C16orf89: variants seen among roughly 807,000 people sequenced by gnomAD.
The protein encoded by C16orf89 is UPF0764 protein C16orf89.
C16orf89 carries 57 observed loss-of-function variants against 41.5 expected under a neutral mutation model. The ratio of observed to expected loss-of-function variants is 1.38; its 90% confidence interval spans 1.11 to 1.71. C16orf89 has a LOEUF of 1.71. Among genes scored for constraint, C16orf89 ranks in the 40% most tolerant of loss-of-function variants. The pLI is 0.00. For synonymous variants in C16orf89, 223 were observed against 190.6 expected, an observed-to-expected ratio of 1.17 and a Z score of -1.40; for missense variants, 575 against 445.9, an observed-to-expected ratio of 1.29 and a Z score of -2.61.
chr16:5,060,225 A>G, intron 3 of C16orf89, 61 bp downstream of exon 3: 2 of 1,529,618 alleles, frequency 1.3e-6, no homozygotes, highest in Non-Finnish European at 1.8e-6. Context: ...GGAGCGGGAC[A>G]GGACCAGCTG....
At chr16:5,058,885 C>T (rs1255561803) in intron 3 of C16orf89, among the ~76,000 whole-genome samples, 1 of 152,054 alleles carries the variant, frequency 6.6e-6, no homozygotes, top group Admixed American at 6.6e-5. Context: ...ACATCTTTTC[C>T]AGCCCCGAAC....
chr16:5,061,961 A>G (rs1418671808), intron 2 of C16orf89, among the ~76,000 whole-genome samples: 1 of 152,204 alleles, frequency 6.6e-6, no homozygotes, highest in Non-Finnish European at 1.5e-5. Context: ...AGGCATGAGA[A>G]AGATAAACCC....
At chr16:5,044,866 A>G (rs1795977307) in intron 7 of C16orf89, 1 of 1,255,434 alleles carries the variant, frequency 8.0e-7, no homozygotes, top group Admixed American at 3.0e-5. Context: ...AGTGCTTTTC[A>G]GATGTCATTC....
At chr16:5,065,610 C>G in intron 1 of C16orf89, 91 bp downstream of exon 1, 1 of 1,395,828 alleles carries the variant, frequency 7.2e-7, no homozygotes, top group East Asian at 2.4e-5. Context: ...GGCCAGGAGT[C>G]TGCCAGGTCC....
downstream of C16orf89, chr16:5,043,136 T>G (rs1956236336): frequency 6.6e-6 from 1 of 152,332 alleles, no homozygotes; most frequent in African/African-American, 2.4e-5. Context: ...CATACCTCAC[T>G]GCAGCCTTGA....
At chr16:5,063,718 C>T (rs1034023517) in intron 1 of C16orf89, among the ~76,000 whole-genome samples, 1 of 152,160 alleles carries the variant, frequency 6.6e-6, no homozygotes, top group Non-Finnish European at 1.5e-5. Flanking sequence ...GATCTGAGAC[C>T]GTCTCCTATC....
chr16:5,055,447 C>G, intron 5 of C16orf89, 97 bp from the exon 6 acceptor site: 10 of 1,186,684 alleles, frequency 8.4e-6, no homozygotes, highest in Non-Finnish European at 1.1e-5. Context: ...CTTCATCTGC[C>G]TGGGTTAGGC....
intron 1 of C16orf89, among the ~76,000 whole-genome samples, chr16:5,064,494 G>A (rs1388897233): frequency 6.6e-6 from 1 of 152,234 alleles, no homozygotes; most frequent in Non-Finnish European, 1.5e-5. Flanking sequence ...TCCACCAGCT[G>A]CAGCTGAAGG....
At chr16:5,046,086 C>T (rs1956290801) in intron 7 of C16orf89, among the ~76,000 whole-genome samples, 2 of 152,156 alleles carry the variant, frequency 1.3e-5, no homozygotes, top group African/African-American at 4.8e-5. Flanking sequence ...AGGGTAGGAC[C>T]TCTGGAAGTC....
intron 7 of C16orf89, among the ~76,000 whole-genome samples, chr16:5,046,028 C>A (rs1349918071): frequency 6.6e-6 from 1 of 152,190 alleles, no homozygotes; most frequent in Non-Finnish European, 1.5e-5. Flanking sequence ...GCCCCTACCA[C>A]CCTAGCCATA....
At chr16:5,053,384 T>G (rs1423053085) in intron 6 of C16orf89, among the ~76,000 whole-genome samples, 2 of 146,656 alleles carry the variant, frequency 1.4e-5, no homozygotes, top group African/African-American at 2.5e-5. Context: ...AAAAAAGAAG[T>G]GGAGTGTTGA....
rs533835444 is a variant in C16orf89 at position 5,064,728 on chromosome 16, T to TGGATGTG, written c.208+966_208+972dup. Among the ~76,000 whole-genome samples, 34 of 152,174 alleles carry TGGATGTG rather than the reference T, an allele frequency of 2.2e-4. No individual in the cohort carries two copies. The East Asian group carries it at 6.0e-3, about 27-fold the overall frequency. On this transcript the variant is annotated intron_variant, in intron 1 of 7. Transcript: ENST00000472572. ...AGATTATTGAGAGGAGAAGGGGCAG[T>TGGATGTG]GGATGTGGGATGTGGCGTGGGTGGA...
At chr16:5,045,252 G>A (rs904053152) in intron 7 of C16orf89, among the ~76,000 whole-genome samples, 4 of 152,162 alleles carry the variant, frequency 2.6e-5, no homozygotes, top group Admixed American at 6.5e-5. Flanking sequence ...TTGGGTAGCC[G>A]AGCTGAGCCC....
At chr16:5,062,296 G>A in intron 2 of C16orf89, 129 bp downstream of exon 2, 2 of 1,197,694 alleles carry the variant, frequency 1.7e-6, no homozygotes. Context: ...TTGCTCAGCA[G>A]ACAGGTCCAA....
At chr16:5,065,632 A>C in intron 1 of C16orf89, 69 bp downstream of exon 1, 1 of 1,497,912 alleles carries the variant, frequency 6.7e-7, no homozygotes, top group South Asian at 1.2e-5. Flanking sequence ...AGGCGTACAG[A>C]GCAGGGCAGG....
chr16:5,058,865 G>A (rs997775491), intron 3 of C16orf89, among the ~76,000 whole-genome samples: 3 of 152,086 alleles, frequency 2.0e-5, no homozygotes, highest in African/African-American at 7.2e-5. Flanking sequence ...ATTGCTCCAT[G>A]GGCCAAATCA....
At chr16:5,048,071 C>G (rs78565395) in intron 6 of C16orf89, 107 bp from the exon 7 acceptor site, 18 of 672,384 alleles carry the variant, frequency 2.7e-5, no homozygotes, top group Non-Finnish European at 4.7e-5. Context: ...TTCTATTGGC[C>G]AGGCTGGGTG....
intron 5 of C16orf89, chr16:5,055,654 C>G (rs1383357655): frequency 3.3e-6 from 5 of 1,519,922 alleles, no homozygotes; most frequent in South Asian, 1.2e-5. Context: ...TCTGCCTCAT[C>G]CATAAGGCTT....
chr16:5,044,221 C>A lies in C16orf89; in HGVS notation c.*127G>T, dbSNP rs569762603. ...ACTCAGGGCTTCCAAGATTGGGTGT[C>A]GGGGTGGCTTTGCTTATCCTCCAGA... On this transcript the variant is annotated 3_prime_UTR_variant, in exon 8 of 8. Transcript: ENST00000472572. 2 of 1,423,988 alleles carry A rather than the reference C, an allele frequency of 1.4e-6. No homozygotes were observed. The highest frequency in any genetic ancestry group is 2.6e-5 in the East Asian group (1 of 38,184). The allele number at this position is 1,423,988 out of a possible 1,614,324, so 88.2% of individuals were successfully genotyped here.
Sources: gnomAD v4.1 joint callset for allele counts (sites outside exome capture counted in the v4.1 genomes callset) on GRCh38, gnomAD v4.1.1 for gene constraint, MANE v1.5 for transcripts, NCBI Gene and HGNC (gene_info 2026-07-23, HGNC 2026-07-21) for gene names.